Variants in GREM2 observed in about 807,000 individuals in gnomAD.
GREM2 encodes the protein gremlin 2, DAN family BMP antagonist.
GREM2 carries 11 observed loss-of-function variants against 14.2 expected under a neutral mutation model. The observed-to-expected ratio is 0.78, with a 90% CI of 0.49 to 1.28. The LOEUF is 1.28. GREM2 is among the 50% of genes most tolerant of loss of function. GREM2 has a pLI of 0.00. For synonymous variants in GREM2, 98 were observed against 97.6 expected (o/e 1.00, Z -0.02); for missense variants, 210 against 218.5 (o/e 0.96, Z 0.24).
intron 1 of GREM2, among the ~76,000 whole-genome samples, chr1:240,561,727 A>ACACACACACACAC (rs1679043936): frequency 1.8e-5 from 2 of 111,008 alleles, no homozygotes; most frequent in South Asian, 6.1e-4. Context: ...CACACACACA[A>ACACACACACACAC]ACTGCCATAG....
intron 1 of GREM2, among the ~76,000 whole-genome samples, chr1:240,594,407 T>A (rs1679774688): frequency 6.6e-6 from 1 of 152,222 alleles, no homozygotes; most frequent in Non-Finnish European, 1.5e-5. Flanking sequence ...AAAAATTGGT[T>A]CATTCTTTAT....
chr1:240,601,433 A>C (rs1352487024), intron 1 of GREM2, among the ~76,000 whole-genome samples: 1 of 152,162 alleles, frequency 6.6e-6, no homozygotes, highest in Admixed American at 6.5e-5. Context: ...GAGGACATAG[A>C]GCCAAAGTTA....
chr1:240,574,563 C>T (rs1679323085), intron 1 of GREM2, among the ~76,000 whole-genome samples: 1 of 152,088 alleles, frequency 6.6e-6, no homozygotes, highest in Non-Finnish European at 1.5e-5. Context: ...GAATATCAGG[C>T]ATTTGCAGAT....
In GREM2 at chr1:240,547,216, G is replaced by A. The variant is rs116714496; in HGVS notation, c.-1-53740C>T. Among the ~76,000 whole-genome samples, 1,337 of 152,042 alleles carry A rather than the reference G, an allele frequency of 8.8e-3. 18 individuals carry two copies. The highest frequency in any genetic ancestry group is 0.031 in the African/African-American group (1,289 of 41,472). ...AGTCTTTTGATGTAAAAATATGAAT[G>A]GAGGCCAGGCACGGTGCCTCATGCC... is the stretch of plus-strand genomic sequence containing the variant. On this transcript the variant is annotated intron_variant, in intron 1 of 1. Coordinates refer to ENST00000318160, the MANE Select transcript of GREM2 (RefSeq NM_022469.4).
At chr1:240,594,119 A>G (rs1453712670) in intron 1 of GREM2, among the ~76,000 whole-genome samples, 1 of 151,618 alleles carries the variant, frequency 6.6e-6, no homozygotes, top group Non-Finnish European at 1.5e-5. Flanking sequence ...ACATCCTGCT[A>G]ATTTTTTGAT....
chr1:240,562,978 ATATG>A (rs1225610041), intron 1 of GREM2, among the ~76,000 whole-genome samples: 2 of 114,244 alleles, frequency 1.8e-5, no homozygotes, highest in African/African-American at 7.3e-5. Context: ...GTATGTGTGT[ATATG>A]TAAGTGTGTA....
intron 1 of GREM2, among the ~76,000 whole-genome samples, chr1:240,565,615 G>A (rs1221860021): frequency 6.6e-6 from 1 of 152,030 alleles, no homozygotes; most frequent in Non-Finnish European, 1.5e-5. Context: ...AGGAGGCCGA[G>A]GTGGGCAGAC....
intron 1 of GREM2, among the ~76,000 whole-genome samples, chr1:240,590,040 A>G (rs576255667): frequency 6.6e-6 from 1 of 152,312 alleles, no homozygotes; most frequent in South Asian, 2.1e-4. Flanking sequence ...ATGTGTGTAC[A>G]GTGAGATGGA....
chr1:240,556,694 T>C (rs1054066646), intron 1 of GREM2, among the ~76,000 whole-genome samples: 12 of 152,016 alleles, frequency 7.9e-5, no homozygotes, highest in Admixed American at 2.0e-4. Flanking sequence ...ATTCAGAGAA[T>C]AAGAAACAGC....
rs760376046 is a variant in GREM2, at chr1:240,492,957, C to T, written c.*12G>A. On this transcript the variant is annotated 3_prime_UTR_variant, in exon 2 of 2. Transcript: ENST00000318160. ...GGGCGCGCGCGGGGCTGAGCTGCGT[C>T]CGGCCCGGCGCTCACTGCTTGTCCG... is the stretch of plus-strand genomic sequence containing the variant. The T allele has an allele frequency of 5.3e-5, 79 of 1,504,396 alleles. No individual in the cohort carries two copies. The highest frequency in any genetic ancestry group is 6.8e-5 in the Non-Finnish European group (76 of 1,123,746). 93.2% of individuals were successfully genotyped at this position (1,504,396 alleles called of 1,614,324 possible). A position where few individuals can be genotyped will look rare whatever the true frequency, so the allele number is the denominator to read the frequency against.
At chr1:240,552,772 G>A (rs889487918) in intron 1 of GREM2, among the ~76,000 whole-genome samples, 10 of 152,184 alleles carry the variant, frequency 6.6e-5, no homozygotes, top group Admixed American at 6.5e-4. Context: ...TTGGTGCGGG[G>A]ATGCATCTTA....
At chr1:240,600,040 C>T (rs1164487017) in intron 1 of GREM2, among the ~76,000 whole-genome samples, 6 of 152,170 alleles carry the variant, frequency 3.9e-5, no homozygotes, top group Admixed American at 3.9e-4. Context: ...TCTTGCAACA[C>T]TTCATGTACC....
chr1:240,572,099 C>A (rs1009365933), intron 1 of GREM2, among the ~76,000 whole-genome samples: 7 of 152,348 alleles, frequency 4.6e-5, no homozygotes, highest in African/African-American at 1.7e-4. Context: ...AAATAAGCAT[C>A]TTCTTCCCTT....
At chr1:240,583,116 T>C (rs1243549871) in intron 1 of GREM2, among the ~76,000 whole-genome samples, 2 of 152,204 alleles carry the variant, frequency 1.3e-5, no homozygotes, top group African/African-American at 2.4e-5. Context: ...CCTGTATCTG[T>C]CTGCACAGTG....
intron 1 of GREM2, among the ~76,000 whole-genome samples, chr1:240,494,043 A>G (rs1677340834): frequency 6.6e-6 from 1 of 152,292 alleles, no homozygotes; most frequent in Non-Finnish European, 1.5e-5. Flanking sequence ...TTGAACAGTT[A>G]CAGAAGTACA....
chr1:240,538,162 T>C (rs1678513875), intron 1 of GREM2, among the ~76,000 whole-genome samples: 1 of 152,234 alleles, frequency 6.6e-6, no homozygotes, highest in African/African-American at 2.4e-5. Flanking sequence ...ATTTAGTTAC[T>C]CTTATTATCT....
chr1:240,503,684 T>C (rs10465629), intron 1 of GREM2, among the ~76,000 whole-genome samples: 9,333 of 152,218 alleles, frequency 0.061, 986 homozygotes, highest in African/African-American at 0.21. Context: ...CATATAGCTA[T>C]TGCTTTAGCC....
intron 1 of GREM2, among the ~76,000 whole-genome samples, chr1:240,501,878 T>G (rs1677576882): frequency 6.6e-6 from 1 of 152,126 alleles, no homozygotes; most frequent in African/African-American, 2.4e-5. Flanking sequence ...AAAAGGACCA[T>G]GAGTTTTATT....
At chr1:240,563,338 A>T (rs1390372097) in intron 1 of GREM2, among the ~76,000 whole-genome samples, 1 of 152,154 alleles carries the variant, frequency 6.6e-6, no homozygotes, top group East Asian at 1.9e-4. Context: ...CAGAGAATGC[A>T]ATGCTCCTCA....
Sources: allele counts gnomAD v4.1 joint callset (sites outside exome capture counted in the v4.1 genomes callset), GRCh38; gene constraint gnomAD v4.1.1; transcripts MANE v1.5; gene names NCBI Gene and HGNC (gene_info 2026-07-23, HGNC 2026-07-21).